The following PPFIA2 variants were observed in gnomAD, a reference collection of about 807,000 sequenced individuals.
PPFIA2 encodes the protein liprin-alpha-2.
A neutral mutation model predicts 175.5 loss-of-function variants in PPFIA2; 46 were observed. The ratio of observed to expected loss-of-function variants is 0.26; its 90% CI spans 0.21 to 0.34. The LOEUF is 0.34. PPFIA2 is among the 10% of genes least tolerant of loss of function. The pLI, the probability that PPFIA2 is intolerant of heterozygous loss-of-function variation, is 1.00. For synonymous variants in PPFIA2, 568 were observed against 511.4 expected, an observed-to-expected ratio of 1.11 and a Z score of -1.49; for missense variants, 1,179 against 1,506.1, an observed-to-expected ratio of 0.78 and a Z score of 3.60.
intron 8 of PPFIA2, among the ~76,000 whole-genome samples, chr12:81,399,647 A>C (rs1235529557): frequency 6.6e-6 from 1 of 152,080 alleles, no homozygotes; most frequent in Non-Finnish European, 1.5e-5. Flanking sequence ...TTTCTAGCCA[A>C]TCATTGAACC....
chr12:81,465,242 T>C (rs1358170554), intron 4 of PPFIA2: 1 of 152,196 alleles, frequency 6.6e-6, no homozygotes, highest in African/African-American at 2.4e-5. Flanking sequence ...TCTGCAGCCA[T>C]CTATCTGAGT....
intron 8 of PPFIA2, among the ~76,000 whole-genome samples, chr12:81,400,925 C>T (rs2041996139): frequency 6.6e-6 from 1 of 152,116 alleles, no homozygotes; most frequent in African/African-American, 2.4e-5. Context: ...GTGTCTCAGT[C>T]ACTAATACAT....
intron 4 of PPFIA2, among the ~76,000 whole-genome samples, chr12:81,526,212 G>A (rs532350875): frequency 6.6e-6 from 1 of 152,144 alleles, no homozygotes; most frequent in Non-Finnish European, 1.5e-5. Context: ...TGTCAGCATA[G>A]GGATGTGATT....
At chr12:81,330,662 C>A (rs1486620149) in intron 21 of PPFIA2, among the ~76,000 whole-genome samples, 3 of 152,138 alleles carry the variant, frequency 2.0e-5, no homozygotes, top group Non-Finnish European at 4.4e-5. Flanking sequence ...AGGCCTCTGT[C>A]CTTCCATTTG....
intron 4 of PPFIA2, among the ~76,000 whole-genome samples, chr12:81,609,093 AT>A (rs56131137): frequency 2.0e-5 from 3 of 151,568 alleles, no homozygotes; most frequent in African/African-American, 2.4e-5. Context: ...TATACTATAG[AT>A]TTTTTTTGCT....
chr12:81,299,276 G>A (rs910720693), intron 23 of PPFIA2, 25 bp downstream of exon 23: 23 of 1,568,640 alleles, frequency 1.5e-5, no homozygotes, highest in Non-Finnish European at 2.0e-5. Flanking sequence ...ATTGATTCAA[G>A]GGCCTCCTAG....
At chr12:81,324,331 T>G (rs180855579) in intron 22 of PPFIA2, among the ~76,000 whole-genome samples, 86 of 152,144 alleles carry the variant, frequency 5.7e-4, no homozygotes, top group African/African-American at 2.0e-3. Context: ...GATATTTCAG[T>G]TGGCTCCATC....
intron 4 of PPFIA2, among the ~76,000 whole-genome samples, chr12:81,648,287 G>C (rs1021970252): frequency 1.3e-5 from 2 of 151,792 alleles, no homozygotes; most frequent in African/African-American, 4.8e-5. Flanking sequence ...TTTAAAAGGG[G>C]AAAATTATTA....
At chr12:81,580,630 ACTTAT>A (rs1481437300) in intron 4 of PPFIA2, among the ~76,000 whole-genome samples, 1 of 151,540 alleles carries the variant, frequency 6.6e-6, no homozygotes, top group Admixed American at 6.6e-5. Flanking sequence ...TATTTCCCTC[ACTTAT>A]AACTTCTCTC....
intron 4 of PPFIA2, among the ~76,000 whole-genome samples, chr12:81,595,945 C>T (rs1595431126): frequency 1.3e-5 from 2 of 152,124 alleles, no homozygotes; most frequent in Admixed American, 6.6e-5. Context: ...AATCCCAACT[C>T]CTTGATGCAG....
chr12:81,745,878 T>C (rs765092883), intron 3 of PPFIA2, among the ~76,000 whole-genome samples: 8 of 152,214 alleles, frequency 5.3e-5, no homozygotes, highest in Non-Finnish European at 1.2e-4. Flanking sequence ...TCTTCTCACT[T>C]GGCTAAGGTG....
At chr12:81,717,129 C>G (rs941778857) in intron 3 of PPFIA2, among the ~76,000 whole-genome samples, 1 of 151,622 alleles carries the variant, frequency 6.6e-6, no homozygotes, top group Non-Finnish European at 1.5e-5. Context: ...ATGTAGGCTA[C>G]ATACTCTCTG....
chr12:81,571,432 C>T (rs552849826), intron 4 of PPFIA2, among the ~76,000 whole-genome samples: 61 of 152,036 alleles, frequency 4.0e-4, no homozygotes, highest in Non-Finnish European at 6.5e-4. Context: ...GCAACGTAAC[C>T]GAGCAGCTTA....
At chr12:81,362,594 A>T in intron 15 of PPFIA2, 99 bp downstream of exon 15, 1 of 710,464 alleles carries the variant, frequency 1.4e-6, no homozygotes, top group South Asian at 2.2e-5. Flanking sequence ...AGTGAGCAAT[A>T]GGAAGTACTG....
intron 4 of PPFIA2, among the ~76,000 whole-genome samples, chr12:81,478,847 A>G (rs1277697568): frequency 6.6e-6 from 1 of 152,124 alleles, no homozygotes; most frequent in South Asian, 2.1e-4. Context: ...TTATGTGGTC[A>G]ATTTTAGAAT....
At chr12:81,326,377 T>C (rs2054762200) in intron 21 of PPFIA2, among the ~76,000 whole-genome samples, 1 of 152,158 alleles carries the variant, frequency 6.6e-6, no homozygotes, top group Non-Finnish European at 1.5e-5. Flanking sequence ...GAGCTCTTCA[T>C]AGACTGCTCC....
intron 4 of PPFIA2, among the ~76,000 whole-genome samples, chr12:81,654,466 C>G (rs985060443): frequency 6.6e-6 from 1 of 152,004 alleles, no homozygotes; most frequent in African/African-American, 2.4e-5. Flanking sequence ...AATTTCTGCA[C>G]AGAAGAACAA....
At chr12:81,311,924 A>C in intron 22 of PPFIA2, 1 of 559,092 alleles carries the variant, frequency 1.8e-6, no homozygotes, top group Non-Finnish European at 3.2e-6. Flanking sequence ...CATGTGTATA[A>C]TAAAACTGAA....
chr12:81,474,674 T>C (rs560098667), intron 4 of PPFIA2, among the ~76,000 whole-genome samples: 2 of 152,350 alleles, frequency 1.3e-5, no homozygotes, highest in South Asian at 4.1e-4. Flanking sequence ...TTGTTATAAC[T>C]TAACTGCTGT....
Sources: gnomAD v4.1 joint callset for allele counts (sites outside exome capture counted in the v4.1 genomes callset) on GRCh38, gnomAD v4.1.1 for gene constraint, MANE v1.5 for transcripts, NCBI Gene and HGNC (gene_info 2026-07-23, HGNC 2026-07-21) for gene names.